CDH12: variants seen among roughly 807,000 people sequenced by gnomAD.
CDH12 encodes cadherin-12.
Under a neutral mutation model 74.1 loss-of-function variants are expected in CDH12, and 41 were observed. The ratio of observed to expected loss-of-function variants is 0.55; its 90% CI spans 0.43 to 0.72. The LOEUF (loss-of-function observed/expected upper bound fraction) is 0.72, where lower values mean the gene tolerates loss of function less well. Among genes scored for constraint, CDH12 ranks in the 30% least tolerant of loss-of-function variants. The pLI is 0.00. For missense variants in CDH12, 945 were observed against 977.2 expected (o/e 0.97, Z 0.44); for synonymous variants, 399 against 355.0 (o/e 1.12, Z -1.39).
At chr5:22,541,549 T>C (rs1738101460) in intron 1 of CDH12, among the ~76,000 whole-genome samples, 2 of 152,206 alleles carry the variant, frequency 1.3e-5, no homozygotes, top group South Asian at 2.1e-4. Context: ...AATGAGAGAA[T>C]GAAAGTGCCT....
chr5:22,018,308 A>G (rs2150158653), intron 5 of CDH12, among the ~76,000 whole-genome samples: 1 of 152,306 alleles, frequency 6.6e-6, no homozygotes, highest in Middle Eastern at 3.4e-3. Context: ...ATGATAGCAT[A>G]CATCTTTAGT....
At chr5:22,002,010 T>C (rs114377526) in intron 5 of CDH12, among the ~76,000 whole-genome samples, 1 of 152,068 alleles carries the variant, frequency 6.6e-6, no homozygotes, top group Admixed American at 6.6e-5. Context: ...CCTAGGAAAT[T>C]ACTAGGTCAG....
chr5:22,018,587 C>T (rs571701062), intron 5 of CDH12, among the ~76,000 whole-genome samples: 83 of 152,268 alleles, frequency 5.5e-4, no homozygotes, highest in African/African-American at 1.9e-3. Flanking sequence ...GGCTATACTT[C>T]CAATTACACC....
intron 2 of CDH12, among the ~76,000 whole-genome samples, chr5:22,453,029 A>G (rs989347665): frequency 6.6e-6 from 1 of 151,990 alleles, no homozygotes; most frequent in Admixed American, 6.6e-5. Flanking sequence ...CAAGGCCACA[A>G]TGAAGTATCA....
intron 1 of CDH12, among the ~76,000 whole-genome samples, chr5:22,575,219 CT>C (rs1739724859): frequency 6.6e-6 from 1 of 152,034 alleles, no homozygotes; most frequent in Non-Finnish European, 1.5e-5. Flanking sequence ...GATACAGACA[CT>C]TTTTTTCCTA....
At chr5:22,416,741 T>C (rs1412134724) in intron 2 of CDH12, among the ~76,000 whole-genome samples, 2 of 152,328 alleles carry the variant, frequency 1.3e-5, no homozygotes, top group South Asian at 2.1e-4. Context: ...GTAAGTGTGG[T>C]TTTTAGGTCA....
At chr5:22,595,710 C>T (rs1736569198) in intron 1 of CDH12, among the ~76,000 whole-genome samples, 1 of 152,072 alleles carries the variant, frequency 6.6e-6, no homozygotes, top group South Asian at 2.1e-4. Context: ...ATATCCACCA[C>T]TACATTTAAA....
At chr5:22,768,627 C>A (rs1374926775) in intron 1 of CDH12, among the ~76,000 whole-genome samples, 2 of 151,924 alleles carry the variant, frequency 1.3e-5, no homozygotes, top group African/African-American at 4.8e-5. Flanking sequence ...ATATTCAGTT[C>A]TTTACTCTAT....
chr5:22,197,405 C>T (rs1750684902), intron 4 of CDH12, among the ~76,000 whole-genome samples: 1 of 152,104 alleles, frequency 6.6e-6, no homozygotes, highest in Non-Finnish European at 1.5e-5. Context: ...CAAGAGTCCG[C>T]CACTGCACTC....
chr5:21,761,772 T>TAGATAGAC (rs1744739061), intron 12 of CDH12, among the ~76,000 whole-genome samples: 1 of 151,924 alleles, frequency 6.6e-6, no homozygotes, highest in African/African-American at 2.4e-5. Context: ...GATAGATAGA[T>TAGATAGAC]AGATAGATAG....
rs1742512559 is a variant in CDH12 at position 22,078,760 on chromosome 5, G to T, written c.-84C>A. On this transcript the variant is annotated 5_prime_UTR_variant, in exon 5 of 15. Coordinates refer to ENST00000382254, the MANE Select transcript of CDH12 (RefSeq NM_004061.5). ...GGAATCCAGGTTTGAGGTGTCTGTG[G>T]CCTCCACCACTTAGCTTCTTGTTTT... 1.3e-5 allele frequency: 20 copies of T among 1,541,306 alleles called. No individual in the cohort carries two copies. In the South Asian group the frequency reaches 2.0e-4, roughly 15 times the overall value.
chr5:22,375,316 C>T (rs1741473859), intron 3 of CDH12, among the ~76,000 whole-genome samples: 1 of 152,000 alleles, frequency 6.6e-6, no homozygotes, highest in African/African-American at 2.4e-5. Flanking sequence ...AAGACTTACA[C>T]ATAAGAACTG....
At chr5:22,077,261 A>C (rs1267908557) in intron 5 of CDH12, among the ~76,000 whole-genome samples, 4 of 152,144 alleles carry the variant, frequency 2.6e-5, no homozygotes, top group African/African-American at 9.7e-5. Flanking sequence ...GTTTCTATTT[A>C]AAGAACTTTT....
At chr5:22,533,611 A>C in intron 1 of CDH12, among the ~76,000 whole-genome samples, 1 of 152,136 alleles carries the variant, frequency 6.6e-6, no homozygotes, top group East Asian at 1.9e-4. Context: ...ATTGACAAAC[A>C]AATAAATAAA....
chr5:21,794,844 GT>G (rs368375613), intron 10 of CDH12, among the ~76,000 whole-genome samples: 2,913 of 149,870 alleles, frequency 0.019, 101 homozygotes, highest in African/African-American at 0.066. Context: ...ACTTTAAAAT[GT>G]TTTTTTTTAT....
At chr5:22,137,180 C>T (rs1008014793) in intron 4 of CDH12, among the ~76,000 whole-genome samples, 4 of 152,016 alleles carry the variant, frequency 2.6e-5, no homozygotes, top group African/African-American at 4.8e-5. Context: ...GTAATCTTGA[C>T]ATCAAACACA....
At chr5:21,952,155 G>GTTATCA (rs774498199) in intron 6 of CDH12, among the ~76,000 whole-genome samples, 3 of 152,172 alleles carry the variant, frequency 2.0e-5, no homozygotes, top group Non-Finnish European at 4.4e-5. Context: ...GTTGCCGTTA[G>GTTATCA]TTATCATCAT....
intron 3 of CDH12, among the ~76,000 whole-genome samples, chr5:22,314,354 A>C (rs770868469): frequency 5.3e-5 from 8 of 152,186 alleles, no homozygotes; most frequent in Admixed American, 2.6e-4. Context: ...ATTCAGTTAA[A>C]AATGGGGCTT....
chr5:22,150,024 C>G (rs1298264390), intron 4 of CDH12, among the ~76,000 whole-genome samples: 1 of 151,940 alleles, frequency 6.6e-6, no homozygotes, highest in African/African-American at 2.4e-5. Flanking sequence ...AAATATTTCG[C>G]TCATAAATTA....
Sources: gnomAD v4.1 joint callset for allele counts (sites outside exome capture counted in the v4.1 genomes callset) on GRCh38, gnomAD v4.1.1 for gene constraint, MANE v1.5 for transcripts, NCBI Gene and HGNC (gene_info 2026-07-23, HGNC 2026-07-21) for gene names.